The following OIP5 variants were observed in gnomAD, a reference collection of about 807,000 sequenced individuals.
OIP5 encodes protein Mis18-beta.
Under a neutral mutation model 20.3 loss-of-function variants are expected in OIP5, and 24 were observed. The ratio of observed to expected loss-of-function variants is 1.18; its 90% CI spans 0.86 to 1.66. OIP5 has a LOEUF of 1.66. OIP5 is among the 40% of genes most tolerant of loss of function. The probability of loss-of-function intolerance (pLI) is 0.00; values close to 1 mark genes in which losing one functional copy is unlikely to be tolerated. For missense variants in OIP5, 339 were observed against 289.5 expected, an observed-to-expected ratio of 1.17 and a Z score of -1.24; for synonymous variants, 143 against 121.3, an observed-to-expected ratio of 1.18 and a Z score of -1.17.
At chr15:41,324,917 G>T (rs144372325) in intron 2 of OIP5, among the ~76,000 whole-genome samples, 2 of 152,066 alleles carry the variant, frequency 1.3e-5, no homozygotes, top group African/African-American at 4.8e-5. Flanking sequence ...AACACTTAAA[G>T]GCCATTGTTG....
chr15:41,332,149 T>TC (rs1192327891), intron 1 of OIP5, 91 bp downstream of exon 1: 8 of 1,423,916 alleles, frequency 5.6e-6, no homozygotes, highest in Non-Finnish European at 7.7e-6. Flanking sequence ...CCCGTTTTCT[T>TC]CCCCAGGTGG....
intron 2 of OIP5, among the ~76,000 whole-genome samples, chr15:41,321,614 A>C (rs1410254602): frequency 6.6e-6 from 1 of 150,812 alleles, no homozygotes; most frequent in Non-Finnish European, 1.5e-5. Context: ...CTGTTGATCT[A>C]TGACCTTACC....
intron 2 of OIP5, among the ~76,000 whole-genome samples, chr15:41,324,158 T>TAA (rs1307931624): frequency 6.6e-6 from 1 of 151,884 alleles, no homozygotes; most frequent in African/African-American, 2.4e-5. Flanking sequence ...CACATCCGGC[T>TAA]AAATTTTTTT....
rs1567030677 is a variant in OIP5, at chr15:41,332,319, T to G, written c.243A>C (p.Ala81=). ...QPERCAVFQC[A]QCHAVLADSV... Reference sequence around the variant, plus strand: ...AGTCGGCGAGCACTGCGTGACACTGTGCGCACTGGAACACAGCGCACCTCT... The same window carrying G: ...AGTCGGCGAGCACTGCGTGACACTGGGCGCACTGGAACACAGCGCACCTCT... Residue 81 remains alanine (A), a synonymous_variant, in exon 1 of 5, where the codon GCA becomes GCC. Coordinates refer to ENST00000220514, the MANE Select transcript of OIP5 (RefSeq NM_007280.2). 1 of 1,608,298 alleles carries G rather than the reference T, an allele frequency of 6.2e-7. No homozygotes were observed.
At chr15:41,329,594 G>T (rs565677406) in intron 2 of OIP5, among the ~76,000 whole-genome samples, 16 of 148,614 alleles carry the variant, frequency 1.1e-4, no homozygotes, top group Non-Finnish European at 1.8e-4. Flanking sequence ...GATTATAGGT[G>T]TAAGCCACTG....
At chr15:41,322,844 A>G (rs1389232384) in intron 2 of OIP5, among the ~76,000 whole-genome samples, 1 of 152,098 alleles carries the variant, frequency 6.6e-6, no homozygotes, top group Non-Finnish European at 1.5e-5. Flanking sequence ...GTGAGGCAGG[A>G]GAATCGCTTG....
At chr15:41,320,016 T>C (rs149297797) in intron 2 of OIP5, among the ~76,000 whole-genome samples, 6 of 152,240 alleles carry the variant, frequency 3.9e-5, no homozygotes, top group Admixed American at 2.6e-4. Flanking sequence ...GGATGTATAA[T>C]TGTCGCTTCA....
At chr15:41,329,390 A>G (rs1443235211) in intron 2 of OIP5, among the ~76,000 whole-genome samples, 2 of 143,802 alleles carry the variant, frequency 1.4e-5, no homozygotes, top group Middle Eastern at 3.9e-3. Flanking sequence ...ATCTTGGCTC[A>G]CTGCAACCTC....
rs765470933 is a variant in OIP5, at chr15:41,332,308, G to C, written c.254C>G (p.Ala85Gly). 6.2e-7 allele frequency: 1 copy of C among 1,603,798 alleles called. No individual in the cohort carries two copies. The highest frequency in any genetic ancestry group is 8.5e-7 in the Non-Finnish European group (1 of 1,175,284). Residue 85 changes from alanine (A) to glycine (G), a missense_variant, in exon 1 of 5, where the codon GCA becomes GGA. Physicochemically the swap from Ala to Gly is moderately conservative, Grantham distance 60. Transcript: ENST00000220514. ...CAVFQCAQCHAVLADSVHLAW... is the reference protein window; with the variant it reads ...CAVFQCAQCHGVLADSVHLAW... The stretch of plus-strand genomic sequence containing the variant: ...GAGGTGCACCGAGTCGGCGAGCACT[G>C]CGTGACACTGTGCGCACTGGAACAC...
chr15:41,321,647 C>T (rs1277454198), intron 2 of OIP5, among the ~76,000 whole-genome samples: 1 of 152,012 alleles, frequency 6.6e-6, no homozygotes, highest in African/African-American at 2.4e-5. Context: ...CTCTCTGAAA[C>T]ATGTGCTGTG....
intron 2 of OIP5, among the ~76,000 whole-genome samples, chr15:41,331,039 C>T (rs2047901285): frequency 6.6e-6 from 1 of 152,160 alleles, no homozygotes; most frequent in African/African-American, 2.4e-5. Context: ...GGGTCTAACT[C>T]CGTTTTTGAA....
At chr15:41,317,339 T>C (rs1286941792) in intron 3 of OIP5, among the ~76,000 whole-genome samples, 2 of 151,864 alleles carry the variant, frequency 1.3e-5, no homozygotes, top group Non-Finnish European at 2.9e-5. Context: ...ATTCCTAAGG[T>C]AGAAAACTGG....
At chr15:41,312,577 A>T (rs975769621) in intron 4 of OIP5, among the ~76,000 whole-genome samples, 8 of 150,336 alleles carry the variant, frequency 5.3e-5, no homozygotes, top group African/African-American at 2.0e-4. Flanking sequence ...CTCCTGCCTC[A>T]GTCTCCTAAG....
intron 3 of OIP5, among the ~76,000 whole-genome samples, chr15:41,317,106 G>A (rs921207367): frequency 4.6e-5 from 7 of 152,124 alleles, no homozygotes; most frequent in African/African-American, 1.7e-4. Context: ...TGTAATTCAT[G>A]AGAAAGGATA....
rs557531893 is a variant in OIP5, at chr15:41,314,388, C to T, written c.513-1034G>A. On this transcript the variant is annotated intron_variant, in intron 3 of 4. Coordinates refer to ENST00000220514, the MANE Select transcript of OIP5 (RefSeq NM_007280.2). ...AAGTGCTGGGATTATAGGCGTGAGC[C>T]GAGCCCAGCCTTCCTCACTTCTTTA... Among the ~76,000 whole-genome samples the T allele has an allele frequency of 4.9e-4, 75 of 152,244 alleles. 1 individual carries two copies. In the South Asian group the frequency reaches 0.013, roughly 26 times the overall value.
At chr15:41,314,251 G>A (rs8038132) in intron 3 of OIP5, among the ~76,000 whole-genome samples, 31,659 of 151,860 alleles carry the variant, frequency 0.21, 3,587 homozygotes, top group Non-Finnish European at 0.25. Context: ...ACAGGCTTGC[G>A]CCACCACGCC....
At chr15:41,324,409 C>T (rs564937443) in intron 2 of OIP5, among the ~76,000 whole-genome samples, 1 of 152,266 alleles carries the variant, frequency 6.6e-6, no homozygotes, top group East Asian at 1.9e-4. Context: ...AATGTTGTGG[C>T]TGATTTGATC....
Position 41,313,324 on chromosome 15 carries a change from AT to A in OIP5, c.542del (p.Asn181MetfsTer19). The A allele has an allele frequency of 6.2e-7, 1 of 1,604,074 alleles. No individual in the cohort carries two copies. ...CATTTTGAATATCCATCTCTGATGC[AT>A]TTACTATGGCTTTTGTTTTTAAGAG... ...CYLLKTKAIVNASEMDIQNVP... is the reference protein window; with the variant it reads ...CYLLKTKAIVXASEMDIQNVP... On this transcript the variant is annotated frameshift_variant, in exon 4 of 5. Transcript: ENST00000220514. LOFTEE classifies it high-confidence loss of function.
intron 3 of OIP5, among the ~76,000 whole-genome samples, chr15:41,315,115 AAG>A (rs2047781755): frequency 6.6e-6 from 1 of 151,360 alleles, no homozygotes; most frequent in Non-Finnish European, 1.5e-5. Flanking sequence ...AAAAAAAAAA[AAG>A]AATAAAAAAA....
Sources: gnomAD v4.1 joint callset for allele counts (sites outside exome capture counted in the v4.1 genomes callset) on GRCh38, gnomAD v4.1.1 for gene constraint, MANE v1.5 for transcripts, NCBI Gene and HGNC (gene_info 2026-07-23, HGNC 2026-07-21) for gene names.